Variants in NRXN3 observed in about 807,000 individuals in gnomAD.
The protein encoded by NRXN3 is neurexin 3.
In NRXN3, 32 loss-of-function variants were observed where a neutral mutation model predicts 137.6. The observed-to-expected ratio is 0.23, with a 90% confidence interval of 0.18 to 0.31. NRXN3 has a LOEUF of 0.31. Ranked by LOEUF, NRXN3 falls within the 10% of genes least tolerant of loss-of-function variation. NRXN3 has a pLI of 1.00. For synonymous variants in NRXN3, 798 were observed against 784.5 expected (o/e 1.02, Z -0.29); for missense variants, 1,574 against 2,062.5 (o/e 0.76, Z 4.59).
chr14:79,670,869 T>C (rs547828753), intron 17 of NRXN3, among the ~76,000 whole-genome samples: 1 of 152,294 alleles, frequency 6.6e-6, no homozygotes, highest in African/African-American at 2.4e-5. Context: ...CAATGAAGTT[T>C]ACTTATGAAA....
chr14:78,701,587 T>A (rs1407823205), intron 6 of NRXN3, among the ~76,000 whole-genome samples: 1 of 152,222 alleles, frequency 6.6e-6, no homozygotes, highest in Non-Finnish European at 1.5e-5. Flanking sequence ...TATGTCCCTT[T>A]TATATTTTCT....
chr14:79,454,551 C>T (rs1263758024), intron 15 of NRXN3, among the ~76,000 whole-genome samples: 2 of 152,110 alleles, frequency 1.3e-5, no homozygotes, highest in Non-Finnish European at 2.9e-5. Flanking sequence ...GTATTATTTC[C>T]CAGCAGTTTG....
chr14:78,263,132 A>G (rs558970809), intron 2 of NRXN3, among the ~76,000 whole-genome samples: 4 of 152,290 alleles, frequency 2.6e-5, no homozygotes, highest in Admixed American at 2.6e-4. Context: ...ATGATGATAT[A>G]AAGTGTCAGT....
At chr14:78,844,700 T>C (rs552379223) in intron 10 of NRXN3, among the ~76,000 whole-genome samples, 2 of 152,232 alleles carry the variant, frequency 1.3e-5, no homozygotes, top group African/African-American at 4.8e-5. Flanking sequence ...TAAAGACTAG[T>C]GTGAGGCTGG....
intron 3 of NRXN3, among the ~76,000 whole-genome samples, chr14:78,285,258 G>GT (rs2075013496): frequency 1.3e-5 from 2 of 151,888 alleles, no homozygotes; most frequent in African/African-American, 2.4e-5. Context: ...GAGATATTTT[G>GT]TTTTTTCTTT....
intron 16 of NRXN3, among the ~76,000 whole-genome samples, chr14:79,544,008 T>C (rs888705201): frequency 6.6e-6 from 1 of 152,214 alleles, no homozygotes; most frequent in Non-Finnish European, 1.5e-5. Flanking sequence ...ATCTATGGAA[T>C]GGCTTTGTGA....
chr14:78,530,422 G>A (rs957489152), intron 4 of NRXN3, among the ~76,000 whole-genome samples: 8 of 152,170 alleles, frequency 5.3e-5, no homozygotes, highest in Non-Finnish European at 1.2e-4. Flanking sequence ...TGGAAAAATT[G>A]CATTTTCAGT....
rs148122392 is a variant in NRXN3 at position 79,785,092 on chromosome 14, T to C, written c.4015-20020T>C. ...GTATTCCATTCATCTCTGAAGTGTA[T>C]GCAGTAATGGCCTCATTCGGCTGAG... On this transcript the variant is annotated intron_variant, in intron 19 of 20. Coordinates refer to ENST00000335750, the MANE Select transcript of NRXN3 (RefSeq NM_001330195.2). 6.5e-4 allele frequency among the ~76,000 whole-genome samples: 99 copies of C among 152,298 alleles called. 1 individual carries two copies. Among genetic ancestry groups the C allele is most frequent in the African/African-American group, 2.3e-3 (97 of 41,566 alleles).
intron 8 of NRXN3, among the ~76,000 whole-genome samples, chr14:78,716,314 C>T (rs771501991): frequency 5.9e-4 from 89 of 152,116 alleles, no homozygotes; most frequent in Non-Finnish European, 1.1e-3. Context: ...GCTGAATATC[C>T]GCAGGCTGTC....
intron 10 of NRXN3, among the ~76,000 whole-genome samples, chr14:78,813,352 C>T (rs1424139699): frequency 2.6e-5 from 4 of 152,108 alleles, no homozygotes; most frequent in Non-Finnish European, 5.9e-5. Flanking sequence ...CTCACATTGT[C>T]TCTGTAATAG....
intron 6 of NRXN3, among the ~76,000 whole-genome samples, chr14:78,696,813 T>C (rs1185700864): frequency 6.6e-6 from 1 of 152,074 alleles, no homozygotes; most frequent in Non-Finnish European, 1.5e-5. Flanking sequence ...TGTGAAACAC[T>C]AAGAACAATG....
intron 19 of NRXN3, among the ~76,000 whole-genome samples, chr14:79,717,164 G>C (rs896330407): frequency 2.0e-5 from 3 of 152,158 alleles, no homozygotes; most frequent in African/African-American, 7.2e-5. Context: ...TGCGACTGCT[G>C]CTTTGAAGAT....
intron 8 of NRXN3, among the ~76,000 whole-genome samples, chr14:78,725,088 G>C (rs1377561771): frequency 6.6e-6 from 1 of 152,206 alleles, no homozygotes; most frequent in Non-Finnish European, 1.5e-5. Context: ...CTTCTAAGAG[G>C]CCAGTAAATC....
intron 15 of NRXN3, among the ~76,000 whole-genome samples, chr14:79,287,516 G>A (rs977265432): frequency 2.6e-5 from 4 of 152,300 alleles, no homozygotes; most frequent in South Asian, 2.1e-4. Flanking sequence ...TCTGGTTTGT[G>A]CTGGGAAGAA....
chr14:79,092,698 T>C (rs1195482748), intron 15 of NRXN3, among the ~76,000 whole-genome samples: 1 of 152,220 alleles, frequency 6.6e-6, no homozygotes, highest in Non-Finnish European at 1.5e-5. Context: ...TGAAATCAGC[T>C]AGCCAGTTTC....
Position 79,770,632 on chromosome 14 carries a change from G to C in NRXN3, c.4015-34480G>C, listed in dbSNP as rs530369054. 4.1e-4 allele frequency among the ~76,000 whole-genome samples: 62 copies of C among 150,274 alleles called. 1 individual carries two copies. Among genetic ancestry groups the C allele is most frequent in the Non-Finnish European group, 8.1e-4 (55 of 67,628 alleles). ...TGGGACACATTCAAAGCAGTGTGTA[G>C]AGGGAAATTTATAGCACTAAATGCC... On this transcript the variant is annotated intron_variant, in intron 19 of 20. Transcript: ENST00000335750.
At chr14:79,506,831 A>G (rs1442213708) in intron 16 of NRXN3, among the ~76,000 whole-genome samples, 1 of 152,158 alleles carries the variant, frequency 6.6e-6, no homozygotes, top group Non-Finnish European at 1.5e-5. Flanking sequence ...GGCATCACCC[A>G]TACCTCTTCT....
At chr14:79,201,290 A>G (rs2065964140) in intron 15 of NRXN3, 1 of 152,216 alleles carries the variant, frequency 6.6e-6, no homozygotes, top group African/African-American at 2.4e-5. Flanking sequence ...GTGAAAATAT[A>G]GCATTTGTCT....
In NRXN3 at chr14:79,096,035, C is replaced by T. The variant is rs185659042; in HGVS notation, c.3262+107894C>T. Among the ~76,000 whole-genome samples the T allele has an allele frequency of 1.4e-3, 213 of 152,016 alleles. 1 individual carries two copies. Among genetic ancestry groups the T allele is most frequent in the Middle Eastern group, 0.014 (4 of 290 alleles). The stretch of plus-strand genomic sequence containing the variant: ...CCAGTTAGTTAATTGCTTTTTCTGT[C>T]TCTTTCTGTTTCTTCCTGAGGCCCC... On this transcript the variant is annotated intron_variant, in intron 15 of 20. Coordinates refer to ENST00000335750, the MANE Select transcript of NRXN3 (RefSeq NM_001330195.2).
Sources: gnomAD v4.1 joint callset for allele counts (sites outside exome capture counted in the v4.1 genomes callset) on GRCh38, gnomAD v4.1.1 for gene constraint, MANE v1.5 for transcripts, NCBI Gene and HGNC (gene_info 2026-07-23, HGNC 2026-07-21) for gene names.